Variants in CDC42SE2 observed in about 807,000 individuals in gnomAD.
CDC42SE2 encodes the protein CDC42 small effector 2, also known as CDC42 small effector protein 2.
A neutral mutation model predicts 11.5 loss-of-function variants in CDC42SE2; 3 were observed. That is an observed-to-expected ratio of 0.26 (90% CI 0.12 to 0.67). CDC42SE2 has a LOEUF of 0.67. Among genes scored for constraint, CDC42SE2 ranks in the 30% least tolerant of loss-of-function variants. CDC42SE2 has a pLI of 0.80. For synonymous variants in CDC42SE2, 33 were observed against 34.8 expected, an observed-to-expected ratio of 0.95 and a Z score of 0.18; for missense variants, 82 against 106.8, an observed-to-expected ratio of 0.77 and a Z score of 1.02.
At chr5:131,261,467 T>C (rs572411192), upstream of CDC42SE2, 1 of 152,350 alleles carries the variant, frequency 6.6e-6, no homozygotes, top group South Asian at 2.1e-4. Flanking sequence ...TAGCTTTAAA[T>C]TGTTTTAAAT....
chr5:131,243,547 CT>C (rs1430595178), upstream of CDC42SE2, among the ~76,000 whole-genome samples: 1 of 152,182 alleles, frequency 6.6e-6, no homozygotes, highest in African/African-American at 2.4e-5. Context: ...GATCGCGCCA[CT>C]GCACTCCAGC....
chr5:131,342,386 G>GTTTTTTTTTTTTTTTTTT (rs1304028910), intron 2 of CDC42SE2, among the ~76,000 whole-genome samples: 1 of 114,852 alleles, frequency 8.7e-6, no homozygotes, highest in African/African-American at 5.8e-5. Flanking sequence ...ATTTTTAATA[G>GTTTTTTTTTTTTTTTTTT]TCTTTTTTTT....
At chr5:131,336,922 C>T (rs1254024570) in intron 2 of CDC42SE2, among the ~76,000 whole-genome samples, 2 of 152,180 alleles carry the variant, frequency 1.3e-5, no homozygotes, top group Non-Finnish European at 2.9e-5. Flanking sequence ...CGAACTTCCT[C>T]CGTTAGCACA....
At chr5:131,320,054 GAAAAAAA>G (rs763857152) in intron 2 of CDC42SE2, among the ~76,000 whole-genome samples, 4,687 of 62,922 alleles carry the variant, frequency 0.074, 103 homozygotes, top group African/African-American at 0.14. Flanking sequence ...CCGTCTTAAA[GAAAAAAA>G]AAAAAAAAAA....
At chr5:131,239,571 T>C in the CDC42SE2 span, among the ~76,000 whole-genome samples, 1 of 152,262 alleles carries the variant, frequency 6.6e-6, no homozygotes, top group Non-Finnish European at 1.5e-5. Flanking sequence ...TTTGAGTGAC[T>C]TTGCCATTTT....
intron 3 of CDC42SE2, among the ~76,000 whole-genome samples, chr5:131,359,795 T>C (rs1261824180): frequency 6.6e-6 from 1 of 152,152 alleles, no homozygotes; most frequent in Non-Finnish European, 1.5e-5. Flanking sequence ...TTCTGTCAAA[T>C]AGCTTCTGGA....
At chr5:131,329,178 G>A (rs1432326408) in intron 2 of CDC42SE2, among the ~76,000 whole-genome samples, 3 of 152,134 alleles carry the variant, frequency 2.0e-5, no homozygotes, top group African/African-American at 7.2e-5. Context: ...GTGGCTAAGG[G>A]GCAATCAAGG....
At chr5:131,216,518 A>AAAAAACAAAAC in the CDC42SE2 span, among the ~76,000 whole-genome samples, 1 of 146,008 alleles carries the variant, frequency 6.8e-6, no homozygotes, top group African/African-American at 2.7e-5. Flanking sequence ...AAAAAAAAAA[A>AAAAAACAAAAC]AAAACATTAT....
chr5:131,242,656 T>A (rs148436210), upstream of CDC42SE2, among the ~76,000 whole-genome samples: 16 of 152,322 alleles, frequency 1.1e-4, no homozygotes, highest in East Asian at 2.7e-3. Context: ...AGCTACTTAA[T>A]ATGTATGCTC....
intron 1 of CDC42SE2, among the ~76,000 whole-genome samples, chr5:131,307,241 A>G (rs1757799179): frequency 9.5e-6 from 1 of 105,006 alleles, no homozygotes; most frequent in South Asian, 3.4e-4. Context: ...AACAGTCCCC[A>G]GAGTGTGATG....
At chr5:131,264,998 A>C (rs1756827010) in intron 1 of CDC42SE2, among the ~76,000 whole-genome samples, 1 of 152,252 alleles carries the variant, frequency 6.6e-6, no homozygotes, top group East Asian at 1.9e-4. Flanking sequence ...GTACGTGCTC[A>C]GTAAAGTATT....
At chr5:131,273,522 G>A (rs1384207314) in intron 1 of CDC42SE2, among the ~76,000 whole-genome samples, 11 of 149,326 alleles carry the variant, frequency 7.4e-5, no homozygotes, top group Non-Finnish European at 1.5e-4. Flanking sequence ...TGTAATCCCA[G>A]CACTTTGGGA....
At chr5:131,338,698 A>C (rs1159675592) in intron 2 of CDC42SE2, among the ~76,000 whole-genome samples, 5 of 152,248 alleles carry the variant, frequency 3.3e-5, no homozygotes, top group Non-Finnish European at 7.3e-5. Context: ...TAACTTGCCC[A>C]AGATCCTAGA....
intron 2 of CDC42SE2, among the ~76,000 whole-genome samples, chr5:131,328,947 T>C (rs982978177): frequency 6.6e-6 from 1 of 152,212 alleles, no homozygotes; most frequent in Non-Finnish European, 1.5e-5. Context: ...TACTGGATAC[T>C]GGAAAGAGGT....
chr5:131,285,183 G>A (rs1757315871), intron 1 of CDC42SE2, among the ~76,000 whole-genome samples: 1 of 152,030 alleles, frequency 6.6e-6, no homozygotes, highest in Non-Finnish European at 1.5e-5. Flanking sequence ...AACTCAGGAG[G>A]CTGAGACAGG....
Position 131,277,061 on chromosome 5 carries a change from C to T in CDC42SE2, c.-455+12895C>T, listed in dbSNP as rs553614117. On this transcript the variant is annotated intron_variant, in intron 1 of 4. Coordinates refer to ENST00000505065, the MANE Select transcript of CDC42SE2 (RefSeq NM_001375635.1). Reference sequence around the variant, plus strand: ...GGCGACCATTATAATTTTTAAAAAGCCTGTTTACATACCAAATAAAATCAT... The same window carrying T: ...GGCGACCATTATAATTTTTAAAAAGTCTGTTTACATACCAAATAAAATCAT... Among the ~76,000 whole-genome samples, 3 of 152,194 alleles carry T rather than the reference C, an allele frequency of 2.0e-5. No homozygotes were observed. The East Asian group carries it at 5.8e-4, about 29-fold the overall frequency.
At chr5:131,288,310 G>A (rs1757383426) in intron 1 of CDC42SE2, among the ~76,000 whole-genome samples, 1 of 152,050 alleles carries the variant, frequency 6.6e-6, no homozygotes. Flanking sequence ...GAATCAAGAT[G>A]TTACACTTTT....
At chr5:131,283,108 G>C (rs992204330) in intron 1 of CDC42SE2, among the ~76,000 whole-genome samples, 21 of 151,074 alleles carry the variant, frequency 1.4e-4, no homozygotes, top group African/African-American at 3.9e-4. Context: ...TGTATTTTTA[G>C]TAGAGATGGG....
At chr5:131,330,384 T>A (rs996149453) in intron 2 of CDC42SE2, among the ~76,000 whole-genome samples, 7 of 151,296 alleles carry the variant, frequency 4.6e-5, no homozygotes, top group African/African-American at 1.7e-4. Context: ...GTTATTAGAG[T>A]TTTTTTTTCT....
Sources: allele counts gnomAD v4.1 joint callset (sites outside exome capture counted in the v4.1 genomes callset), GRCh38; gene constraint gnomAD v4.1.1; transcripts MANE v1.5; gene names NCBI Gene and HGNC (gene_info 2026-07-23, HGNC 2026-07-21).